Variants in CES1 observed in about 807,000 individuals in gnomAD.
CES1 encodes carboxylesterase 1.
Under a neutral mutation model 53.0 loss-of-function variants are expected in CES1, and 50 were observed. The ratio of observed to expected loss-of-function variants is 0.94; its 90% CI spans 0.75 to 1.19. The LOEUF (loss-of-function observed/expected upper bound fraction) is 1.19, where lower values mean the gene tolerates loss of function less well. CES1 is among the 50% of genes most tolerant of loss of function. CES1 has a pLI of 0.00. For synonymous variants in CES1, 202 were observed against 210.1 expected, an observed-to-expected ratio of 0.96 and a Z score of 0.33; for missense variants, 534 against 538.0, an observed-to-expected ratio of 0.99 and a Z score of 0.07.
chr16:55,822,112 T>A (rs1402461541), intron 4 of CES1, among the ~76,000 whole-genome samples: 2 of 152,072 alleles, frequency 1.3e-5, no homozygotes, highest in African/African-American at 2.4e-5. Flanking sequence ...AAAGTGTGAG[T>A]CAGGAGGTGC....
rs376204852 is a variant in CES1, at chr16:55,813,109, C to T, written c.946-66G>A. The T allele has an allele frequency of 1.6e-4, 258 of 1,606,520 alleles. 2 individuals carry two copies. In the East Asian group the frequency reaches 4.6e-3, roughly 29 times the overall value. The stretch of plus-strand genomic sequence containing the variant: ...GTCACACCCATGTCCCCAACTCTGC[C>T]TGTCTGAGGGTGAGACCAGTACCAT... On this transcript the variant is annotated intron_variant, in intron 8 of 13. Coordinates refer to ENST00000360526, the MANE Select transcript of CES1 (RefSeq NM_001025195.2).
intron 2 of CES1, among the ~76,000 whole-genome samples, chr16:55,826,588 G>A (rs1431600857): frequency 6.6e-6 from 1 of 152,180 alleles, no homozygotes; most frequent in African/African-American, 2.4e-5. Context: ...GATCCTCCCT[G>A]GGAGGTGACA....
Position 55,810,601 on chromosome 16 carries a change from C to A in CES1, c.1234G>T (p.Val412Phe). 6.2e-7 allele frequency: 1 copy of A among 1,614,118 alleles called. No individual in the cohort carries two copies. The highest frequency in any genetic ancestry group is 1.7e-5 in the Admixed American group (1 of 60,020). ...TCCAGGAACAGGTCTTTCTTTTTGA[C>A]AGTGTCGTCTGTTCCTCCTAAGTAT... ...EKYLGGTDDT[V>F]KKKDLFLDLI... Residue 412 changes from valine to phenylalanine, a missense_variant, in exon 11 of 14, where the codon GTC becomes TTC. Around this residue, in one of 5 missense-constraint regions of CES1, gnomAD observed 269 missense variants for 206.6 expected, o/e 1.30. Transcript: ENST00000360526.
At chr16:55,832,599 G>T (rs2032726149) in intron 1 of CES1, among the ~76,000 whole-genome samples, 1 of 152,220 alleles carries the variant, frequency 6.6e-6, no homozygotes. Flanking sequence ...ACACAGCGAG[G>T]AAGCGCCCAG....
At chr16:55,823,247 A>G (rs2032276495) in intron 4 of CES1, among the ~76,000 whole-genome samples, 1 of 152,032 alleles carries the variant, frequency 6.6e-6, no homozygotes, top group Admixed American at 6.6e-5. Flanking sequence ...CTGGAGAAAC[A>G]TAGGTGAAGA....
At chr16:55,824,908 C>T (rs774046353) in intron 3 of CES1, among the ~76,000 whole-genome samples, 11 of 152,364 alleles carry the variant, frequency 7.2e-5, no homozygotes, top group Non-Finnish European at 1.6e-4. Flanking sequence ...TGGAGGTTCT[C>T]CTGACTCCAG....
In CES1 at chr16:55,823,546, T is replaced by C; in HGVS notation, c.539+4A>G. On this transcript the variant is annotated splice_donor_region_variant and intron_variant, in intron 4 of 13. Coordinates refer to ENST00000360526, the MANE Select transcript of CES1 (RefSeq NM_001025195.2). ...AGTGCAGTGAGGAGAGTCCGATTTC[T>C]TACCTGAAGAATCCCCAGATGCCCA... 6.2e-7 allele frequency: 1 copy of C among 1,611,058 alleles called. No homozygotes were observed. Among genetic ancestry groups the C allele is most frequent in the Non-Finnish European group, 8.5e-7 (1 of 1,179,052 alleles).
In CES1 at chr16:55,810,994, G is replaced by A. The variant is rs1194430698; in HGVS notation, c.1103C>T (p.Pro368Leu). The change falls in exon 10 of 14, where the codon CCA becomes CTA. Residue 368 changes from proline to leucine, a missense_variant. Transcript: ENST00000360526. ...CTGGTCCAGTTGCCCTTCGGAGAGTGGATAGCTCATCAACTGCTAAAAAAA... is the reference window on the plus strand; with the variant it reads ...CTGGTCCAGTTGCCCTTCGGAGAGTAGATAGCTCATCAACTGCTAAAAAAA... ...WLIPMQLMSY[P>L]LSEGQLDQKT... The A allele has an allele frequency of 6.2e-7, 1 of 1,606,894 alleles. No individual in the cohort carries two copies. Among genetic ancestry groups the A allele is most frequent in the Middle Eastern group, 1.7e-4 (1 of 6,056 alleles).
At chr16:55,818,229 T>G (rs1172379700) in intron 7 of CES1, among the ~76,000 whole-genome samples, 1 of 152,200 alleles carries the variant, frequency 6.6e-6, no homozygotes, top group Non-Finnish European at 1.5e-5. Flanking sequence ...ATCTGGGTGT[T>G]TGTCCTCCTG....
intron 1 of CES1, 101 bp downstream of exon 1, chr16:55,832,903 C>G (rs2142364977): frequency 9.1e-7 from 1 of 1,100,750 alleles, no homozygotes; most frequent in East Asian, 2.4e-5. Context: ...GCCGCAGAGC[C>G]GGACCTGTTG....
rs1237695542 is a variant in CES1 at position 55,815,742 on chromosome 16, C to T, written c.945+1182G>A. On this transcript the variant is annotated intron_variant, in intron 8 of 13. Coordinates refer to ENST00000360526, the MANE Select transcript of CES1 (RefSeq NM_001025195.2). ...CTGGATTATGGCAATGCAGTGGCTG[C>T]CCAGCTGGTCAACTGCATCCACTTT... Among the ~76,000 whole-genome samples, 7 of 152,158 alleles carry T rather than the reference C, an allele frequency of 4.6e-5. No homozygotes were observed. The East Asian group carries it at 1.4e-3, about 29-fold the overall frequency.
At chr16:55,810,073 C>T (rs62028602) in intron 11 of CES1, among the ~76,000 whole-genome samples, 6,611 of 152,182 alleles carry the variant, frequency 0.043, 210 homozygotes, top group Non-Finnish European at 0.061. Context: ...ATAAACAATT[C>T]CTTGCAAGAG....
At chr16:55,822,292 A>T (rs546195749) in intron 4 of CES1, among the ~76,000 whole-genome samples, 31 of 152,358 alleles carry the variant, frequency 2.0e-4, no homozygotes, top group African/African-American at 5.3e-4. Flanking sequence ...AGGGATCTGA[A>T]AGTGTTAAAG....
At chr16:55,815,899 T>C (rs1183610905) in intron 8 of CES1, among the ~76,000 whole-genome samples, 1 of 152,296 alleles carries the variant, frequency 6.6e-6, no homozygotes, top group East Asian at 1.9e-4. Flanking sequence ...GTACTTTAAT[T>C]GATCTCTCTC....
At chr16:55,814,842 A>G (rs535091696) in intron 8 of CES1, among the ~76,000 whole-genome samples, 1 of 152,364 alleles carries the variant, frequency 6.6e-6, no homozygotes, top group African/African-American at 2.4e-5. Context: ...GACCAGACCT[A>G]GCTGGACAAG....
At chr16:55,825,329 A>T (rs577838785) in intron 3 of CES1, among the ~76,000 whole-genome samples, 8 of 152,286 alleles carry the variant, frequency 5.3e-5, no homozygotes, top group Admixed American at 4.6e-4. Context: ...TGCCCCTGGG[A>T]GACTGGCTAG....
chr16:55,821,594 C>T, intron 4 of CES1, 73 bp from the exon 5 acceptor site: 5 of 1,543,666 alleles, frequency 3.2e-6, no homozygotes, highest in Middle Eastern at 3.4e-4. Context: ...ACAGATGGGG[C>T]TAGGGGTTCT....
At chr16:55,823,066 G>A (rs1172920232) in intron 4 of CES1, among the ~76,000 whole-genome samples, 5 of 151,998 alleles carry the variant, frequency 3.3e-5, no homozygotes, top group African/African-American at 4.8e-5. Flanking sequence ...CACAGGAAGG[G>A]GTCAGATGCT....
rs373607981 is a variant in CES1 at position 55,819,617 on chromosome 16, C to T, written c.824G>A (p.Cys275Tyr). 16 of 1,613,914 alleles carry T rather than the reference C, an allele frequency of 9.9e-6. No individual in the cohort carries two copies. In the African/African-American group the frequency reaches 2.0e-4, roughly 20 times the overall value. ...CATGACAGCAGAGGTGGTGGTTTTG[C>T]ACCCAGCAGTGATAGCAATTTGCTG... ...LAEQIAITAG[C>Y]KTTTSAVMVH... The change falls in exon 7 of 14, where the codon TGC becomes TAC. Residue 275 changes from cysteine (C) to tyrosine (Y), a missense_variant. By Grantham distance (194) the Cys-to-Tyr change is radical. This residue lies in a region of CES1 where 269 missense variants were observed against 206.6 expected (regional missense o/e 1.30). Transcript: ENST00000360526.
Sources: gnomAD v4.1 joint callset for allele counts (sites outside exome capture counted in the v4.1 genomes callset) on GRCh38, gnomAD v4.1.1 for gene constraint, gnomAD v4.1.1 regional missense constraint, MANE v1.5 for transcripts, NCBI Gene and HGNC (gene_info 2026-07-23, HGNC 2026-07-21) for gene names.